The following NRCAM variants were observed in gnomAD, a reference collection of about 807,000 sequenced individuals.
The protein encoded by NRCAM is NgCAM-related cell adhesion molecule.
In NRCAM, 83 loss-of-function variants were observed where a neutral mutation model predicts 156.5. That is an observed-to-expected ratio of 0.53 (90% CI 0.44 to 0.64). The LOEUF (loss-of-function observed/expected upper bound fraction) is 0.64. NRCAM is among the 30% of genes least tolerant of loss of function. The pLI is 0.00. For missense variants in NRCAM, 1,417 were observed against 1,597.3 expected, an observed-to-expected ratio of 0.89 and a Z score of 1.92; for synonymous variants, 538 against 563.9, an observed-to-expected ratio of 0.95 and a Z score of 0.65.
chr7:108,269,164 G>C (rs1370234652), intron 3 of NRCAM, among the ~76,000 whole-genome samples: 2 of 105,876 alleles, frequency 1.9e-5, no homozygotes, highest in African/African-American at 3.5e-5. Flanking sequence ...TGCTGTATTT[G>C]AAAAAAAAAA....
intron 6 of NRCAM, 51 bp from the exon 7 acceptor site, chr7:108,232,573 T>C (rs754780591): frequency 6.8e-6 from 9 of 1,316,864 alleles, no homozygotes; most frequent in Non-Finnish European, 8.3e-6. Context: ...AAAAATGGGA[T>C]TACCTTAACA....
intron 2 of NRCAM, among the ~76,000 whole-genome samples, chr7:108,368,658 G>A (rs17155581): frequency 0.046 from 6,963 of 152,080 alleles, 539 homozygotes; most frequent in African/African-American, 0.16. Flanking sequence ...GCATGACTTC[G>A]TGTTCATTGT....
At chr7:108,295,505 T>C (rs1292595088) in intron 3 of NRCAM, among the ~76,000 whole-genome samples, 3 of 152,202 alleles carry the variant, frequency 2.0e-5, no homozygotes, top group Non-Finnish European at 2.9e-5. Flanking sequence ...CACAGTAGAA[T>C]AGGGCAAGAC....
At chr7:108,265,691 A>G (rs1399428964) in intron 3 of NRCAM, among the ~76,000 whole-genome samples, 1 of 152,254 alleles carries the variant, frequency 6.6e-6, no homozygotes, top group Non-Finnish European at 1.5e-5. Flanking sequence ...TTATCTTTAC[A>G]GGAGTTCTCT....
chr7:108,252,652 T>A (rs767480717), intron 3 of NRCAM, among the ~76,000 whole-genome samples: 2 of 74,124 alleles, frequency 2.7e-5, no homozygotes, highest in Non-Finnish European at 5.5e-5. Context: ...AGGAGATAGA[T>A]AAATCTCAGT....
intron 13 of NRCAM, among the ~76,000 whole-genome samples, chr7:108,203,069 C>A (rs1268310139): frequency 6.6e-6 from 1 of 152,138 alleles, no homozygotes; most frequent in Non-Finnish European, 1.5e-5. Flanking sequence ...AAAAACACCC[C>A]CCTCAGTGTG....
chr7:108,323,020 T>C (rs937950057), intron 2 of NRCAM, among the ~76,000 whole-genome samples: 5 of 152,216 alleles, frequency 3.3e-5, no homozygotes, highest in Non-Finnish European at 7.3e-5. Context: ...ATTTAGGAAT[T>C]GCCTAAGTGC....
intron 1 of NRCAM, among the ~76,000 whole-genome samples, chr7:108,424,182 C>T (rs1468129664): frequency 6.6e-6 from 1 of 152,230 alleles, no homozygotes. Context: ...CCAGTGCTGA[C>T]TGACCAGTTA....
At chr7:108,169,145 A>G (rs1004589055) in intron 28 of NRCAM, among the ~76,000 whole-genome samples, 4 of 152,194 alleles carry the variant, frequency 2.6e-5, no homozygotes, top group African/African-American at 9.6e-5. Context: ...GTTACAAAGC[A>G]TTTTCTGAAA....
chr7:108,308,163 G>A (rs1343612666), intron 3 of NRCAM, among the ~76,000 whole-genome samples: 3 of 152,254 alleles, frequency 2.0e-5, no homozygotes, highest in African/African-American at 7.2e-5. Flanking sequence ...CTCTCAGGGT[G>A]AGAATTATTT....
rs372309431 is a variant in NRCAM, at chr7:108,418,685, C to A, written c.-331-19092G>T. On this transcript the variant is annotated intron_variant, in intron 1 of 32. Transcript: ENST00000379028. ...AGCACGTAAGCACTTAGAAAATACA[C>A]ACCATCCTCATTTTCAAGTTATAAT... Among the ~76,000 whole-genome samples, 369 of 152,232 alleles carry A rather than the reference C, an allele frequency of 2.4e-3. 3 individuals carry two copies. Among genetic ancestry groups the A allele is most frequent in the African/African-American group, 8.6e-3 (358 of 41,552 alleles).
At chr7:108,184,707 A>C in intron 20 of NRCAM, 93 bp from the exon 21 acceptor site, 2 of 946,830 alleles carry the variant, frequency 2.1e-6, no homozygotes, top group East Asian at 2.6e-5. Context: ...AACCCAACAC[A>C]AGCAACCAAA....
At chr7:108,154,844 T>G (rs765650629) in intron 32 of NRCAM, among the ~76,000 whole-genome samples, 1 of 152,050 alleles carries the variant, frequency 6.6e-6, no homozygotes, top group Non-Finnish European at 1.5e-5. Flanking sequence ...GAGATTTTTT[T>G]TTCCTAAGAA....
intron 1 of NRCAM, among the ~76,000 whole-genome samples, chr7:108,454,703 C>T (rs1854456052): frequency 6.6e-6 from 1 of 152,180 alleles, no homozygotes; most frequent in Non-Finnish European, 1.5e-5. Context: ...TCAGAGGTTA[C>T]TGTGTTCCTT....
chr7:108,182,024 T>G (rs895224338), intron 23 of NRCAM, 87 bp from the exon 24 acceptor site: 1 of 921,028 alleles, frequency 1.1e-6, no homozygotes, highest in Non-Finnish European at 1.7e-6. Context: ...AATTTTGGCT[T>G]GAAGCATACT....
At chr7:108,450,929 A>T (rs545499515) in intron 1 of NRCAM, among the ~76,000 whole-genome samples, 5 of 152,242 alleles carry the variant, frequency 3.3e-5, no homozygotes, top group Admixed American at 2.6e-4. Flanking sequence ...GCTTTAAAAG[A>T]TAACAGTGGC....
Position 108,303,125 on chromosome 7 carries a change from G to C in NRCAM, c.-107+9540C>G, listed in dbSNP as rs560980895. 4.6e-5 allele frequency among the ~76,000 whole-genome samples: 7 copies of C among 151,982 alleles called. No individual in the cohort carries two copies. In the South Asian group the frequency reaches 1.5e-3, roughly 32 times the overall value. On this transcript the variant is annotated intron_variant, in intron 3 of 32. Coordinates refer to ENST00000379028, the MANE Select transcript of NRCAM (RefSeq NM_001037132.4). ...TACAGACACGTGCCACCACGCCCAG[G>C]TAATTTTTATATTTTTAGTAGAGAT... is the stretch of plus-strand genomic sequence containing the variant.
chr7:108,177,914 T>C, intron 26 of NRCAM, 76 bp downstream of exon 26: 2 of 1,352,166 alleles, frequency 1.5e-6, no homozygotes, highest in South Asian at 1.4e-5. Flanking sequence ...CATGAGGAGG[T>C]ATAATTATTT....
chr7:108,282,519 T>C (rs2097900635), intron 3 of NRCAM, among the ~76,000 whole-genome samples: 1 of 152,236 alleles, frequency 6.6e-6, no homozygotes, highest in Non-Finnish European at 1.5e-5. Flanking sequence ...ACAATGTTAA[T>C]GTACCTCAAA....
Sources: allele counts gnomAD v4.1 joint callset (sites outside exome capture counted in the v4.1 genomes callset), GRCh38; gene constraint gnomAD v4.1.1; transcripts MANE v1.5; gene names NCBI Gene and HGNC (gene_info 2026-07-23, HGNC 2026-07-21).